The following CTNNA3 variants were observed in gnomAD, a reference collection of about 807,000 sequenced individuals.
CTNNA3 encodes catenin alpha-3.
CTNNA3 carries 76 observed loss-of-function variants against 95.7 expected under a neutral mutation model. That is an observed-to-expected ratio of 0.79 (90% CI 0.66 to 0.96). The LOEUF (loss-of-function observed/expected upper bound fraction) is 0.96. Among genes scored for constraint, CTNNA3 ranks in the 40% least tolerant of loss-of-function variants. The pLI is 0.00. For synonymous variants in CTNNA3, 431 were observed against 374.4 expected (o/e 1.15, Z -1.74); for missense variants, 1,191 against 1,089.8 (o/e 1.09, Z -1.31).
At chr10:66,382,536 G>A (rs2092849789) in intron 11 of CTNNA3, among the ~76,000 whole-genome samples, 1 of 151,884 alleles carries the variant, frequency 6.6e-6, no homozygotes, top group Non-Finnish European at 1.5e-5. Flanking sequence ...ACTTTGGCAG[G>A]CATAAACGAC....
Position 66,880,041 on chromosome 10 carries a change from G to A in CTNNA3, c.1048-104517C>T, listed in dbSNP as rs374430688. The stretch of plus-strand genomic sequence containing the variant: ...TAAAGAAGATTGTTCTGGCAGCAAC[G>A]TTCAGAATGTACTATAGATGTCAGA... On this transcript the variant is annotated intron_variant, in intron 7 of 17. Coordinates refer to ENST00000433211, the MANE Select transcript of CTNNA3 (RefSeq NM_013266.4). Among the ~76,000 whole-genome samples, 45 of 152,166 alleles carry A rather than the reference G, an allele frequency of 3.0e-4. 1 individual carries two copies. The South Asian group carries it at 5.6e-3, about 19-fold the overall frequency.
chr10:66,766,709 A>T (rs1034538610), intron 8 of CTNNA3, among the ~76,000 whole-genome samples: 8 of 152,114 alleles, frequency 5.3e-5, no homozygotes, highest in Non-Finnish European at 1.2e-4. Flanking sequence ...TTTTTGCTCA[A>T]AGAAATTGTG....
chr10:66,697,435 A>G (rs1847806884), intron 9 of CTNNA3, among the ~76,000 whole-genome samples: 1 of 151,740 alleles, frequency 6.6e-6, no homozygotes. Flanking sequence ...ATTTATATAC[A>G]CAAACACTGA....
intron 13 of CTNNA3, among the ~76,000 whole-genome samples, chr10:66,234,922 T>G (rs1251673144): frequency 6.6e-6 from 1 of 152,230 alleles, no homozygotes; most frequent in Non-Finnish European, 1.5e-5. Flanking sequence ...ATTGAAGCCA[T>G]CTGCTATGCT....
At chr10:67,186,714 A>G (rs1862865230) in intron 6 of CTNNA3, among the ~76,000 whole-genome samples, 1 of 152,238 alleles carries the variant, frequency 6.6e-6, no homozygotes, top group Non-Finnish European at 1.5e-5. Context: ...CATTAATCCC[A>G]TGAAAGACAA....
chr10:66,931,162 T>C (rs1847364127), intron 7 of CTNNA3, among the ~76,000 whole-genome samples: 1 of 137,278 alleles, frequency 7.3e-6, no homozygotes, highest in South Asian at 2.3e-4. Context: ...TTACATAAAA[T>C]ATTGGACTTC....
intron 9 of CTNNA3, among the ~76,000 whole-genome samples, chr10:66,642,003 GC>G (rs1167499852): frequency 1.2e-4 from 18 of 152,022 alleles, no homozygotes; most frequent in African/African-American, 4.3e-4. Flanking sequence ...TGAGCCTGTT[GC>G]CTTCTTCTGT....
intron 7 of CTNNA3, among the ~76,000 whole-genome samples, chr10:67,086,483 G>A (rs537343837): frequency 3.8e-4 from 58 of 151,972 alleles, no homozygotes; most frequent in Non-Finnish European, 7.4e-4. Context: ...TCAGCTGCTT[G>A]GGTTCAGCAA....
chr10:66,747,351 C>T (rs1373080834), intron 9 of CTNNA3, among the ~76,000 whole-genome samples: 1 of 152,156 alleles, frequency 6.6e-6, no homozygotes, highest in Non-Finnish European at 1.5e-5. Context: ...TGGTTAATAG[C>T]AGCCACACTT....
At chr10:66,630,215 C>G (rs1021552423) in intron 9 of CTNNA3, among the ~76,000 whole-genome samples, 2 of 151,958 alleles carry the variant, frequency 1.3e-5, no homozygotes, top group Non-Finnish European at 2.9e-5. Context: ...TCTTGATGAA[C>G]ATGAGATGAC....
chr10:67,341,925 T>G (rs568430456), intron 5 of CTNNA3, among the ~76,000 whole-genome samples: 1 of 152,192 alleles, frequency 6.6e-6, no homozygotes, highest in East Asian at 1.9e-4. Context: ...ATAGTCTTGC[T>G]TTGCATTTTT....
intron 1 of CTNNA3, among the ~76,000 whole-genome samples, chr10:67,681,363 G>T (rs1840622823): frequency 6.6e-6 from 1 of 151,964 alleles, no homozygotes; most frequent in Admixed American, 6.6e-5. Context: ...GCTGAGAAAT[G>T]GACTCCAATA....
At chr10:66,534,960 T>A (rs974705627) in intron 10 of CTNNA3, among the ~76,000 whole-genome samples, 1 of 151,914 alleles carries the variant, frequency 6.6e-6, no homozygotes, top group Non-Finnish European at 1.5e-5. Context: ...ATTGGAGAAT[T>A]CTTCTTGGCC....
intron 12 of CTNNA3, among the ~76,000 whole-genome samples, chr10:66,309,950 TAAATAAAATA>T (rs1276907516): frequency 5.7e-5 from 6 of 105,046 alleles, no homozygotes; most frequent in Admixed American, 5.4e-4. Context: ...AATAAATAAA[TAAATAAAATA>T]AAAATAAAAA....
chr10:66,354,082 A>G (rs1164044162), intron 12 of CTNNA3, among the ~76,000 whole-genome samples: 1 of 152,072 alleles, frequency 6.6e-6, no homozygotes, highest in African/African-American at 2.4e-5. Flanking sequence ...CAGGAGGTCG[A>G]GACCAGCCTG....
At chr10:66,908,450 C>G (rs1846084554) in intron 7 of CTNNA3, among the ~76,000 whole-genome samples, 1 of 152,140 alleles carries the variant, frequency 6.6e-6, no homozygotes, top group African/African-American at 2.4e-5. Context: ...ACCTGCTTTA[C>G]CGAATGTTTA....
Position 67,220,766 on chromosome 10 carries a change from GA to G in CTNNA3, c.580-897del, listed in dbSNP as rs535877652. ...CGATCAGAACTAGCTCAATATACAAGAAAAAAATCTGGCAAGCCCTACCTTA... is the reference window on the plus strand; with the variant it reads ...CGATCAGAACTAGCTCAATATACAAGAAAAAATCTGGCAAGCCCTACCTTA... On this transcript the variant is annotated intron_variant, in intron 5 of 17. Transcript: ENST00000433211. 3.9e-3 allele frequency among the ~76,000 whole-genome samples: 594 copies of G among 152,038 alleles called. 5 individuals are homozygous for G. Among genetic ancestry groups the G allele is most frequent in the African/African-American group, 0.014 (568 of 41,480 alleles).
intron 9 of CTNNA3, among the ~76,000 whole-genome samples, chr10:66,742,975 T>G (rs934777530): frequency 1.3e-5 from 2 of 152,210 alleles, no homozygotes; most frequent in African/African-American, 4.8e-5. Context: ...TGATTTTTTT[T>G]GAATAACAAC....
At chr10:67,679,472 A>G (rs1840588074) in intron 1 of CTNNA3, among the ~76,000 whole-genome samples, 1 of 152,248 alleles carries the variant, frequency 6.6e-6, no homozygotes, top group South Asian at 2.1e-4. Context: ...GTAACAGAAT[A>G]TTGGGAATTC....
Sources: gnomAD v4.1 joint callset for allele counts (sites outside exome capture counted in the v4.1 genomes callset) on GRCh38, gnomAD v4.1.1 for gene constraint, MANE v1.5 for transcripts, NCBI Gene and HGNC (gene_info 2026-07-23, HGNC 2026-07-21) for gene names.